Variants in TMEM132D observed in about 807,000 individuals in gnomAD.
The protein encoded by TMEM132D is mature OL transmembrane protein.
In TMEM132D, 21 loss-of-function variants were observed where a neutral mutation model predicts 62.3. That is an observed-to-expected ratio of 0.34 (90% confidence interval 0.24 to 0.49). The LOEUF is 0.49. TMEM132D is among the 20% of genes least tolerant of loss of function. The probability of loss-of-function intolerance (pLI) is 0.99; values close to 1 mark genes in which losing one functional copy is unlikely to be tolerated. For synonymous variants in TMEM132D, 621 were observed against 575.6 expected (o/e 1.08, Z -1.13); for missense variants, 1,346 against 1,402.8 (o/e 0.96, Z 0.65).
chr12:129,096,789 C>G (rs1875130188), intron 5 of TMEM132D, among the ~76,000 whole-genome samples: 2 of 152,134 alleles, frequency 1.3e-5, no homozygotes, highest in African/African-American at 4.8e-5. Context: ...TATTCTATAG[C>G]CTATTTTCTT....
intron 5 of TMEM132D, among the ~76,000 whole-genome samples, chr12:129,202,902 A>G (rs1878746371): frequency 6.6e-6 from 1 of 152,232 alleles, no homozygotes; most frequent in South Asian, 2.1e-4. Context: ...CACTAGGCAC[A>G]TAGTAGTTGC....
intron 5 of TMEM132D, among the ~76,000 whole-genome samples, chr12:129,088,991 G>GTGTCCTCTATGACCGGGA (rs1874791367): frequency 2.4e-5 from 1 of 41,940 alleles, no homozygotes; most frequent in African/African-American, 1.9e-4. Context: ...CATGACCGGG[G>GTGTCCTCTATGACCGGGA]TGTCCTCTAT....
Position 129,867,124 on chromosome 12 carries a change from G to A in TMEM132D, c.79+36137C>T, listed in dbSNP as rs1273057350. 1.3e-5 allele frequency among the ~76,000 whole-genome samples: 2 copies of A among 152,180 alleles called. No individual in the cohort carries two copies. The highest frequency in any genetic ancestry group is 4.2e-4 in the South Asian group (2 of 4,816). On this transcript the variant is annotated intron_variant, in intron 1 of 8. Transcript: ENST00000422113. This position sits in a 1 kb window ranked among gnomAD's most constrained non-coding sequence, Gnocchi z 4.5. ...AAAATACAGAAATTAGCTGGGCACGGTGGTATGTGCCTGTAGTCCTAGCTA... is the reference window on the plus strand; with the variant it reads ...AAAATACAGAAATTAGCTGGGCACGATGGTATGTGCCTGTAGTCCTAGCTA...
In TMEM132D at chr12:129,527,872, A is replaced by C. The variant is rs535520305; in HGVS notation, c.1115+3187T>G. On this transcript the variant is annotated intron_variant, in intron 3 of 8. Coordinates refer to ENST00000422113, the MANE Select transcript of TMEM132D (RefSeq NM_133448.3). ...AGATTCTCAGCAACCTAACTTCTTC[A>C]AACAGGGAAGGATGCAGTTAAACTT... 2.0e-4 allele frequency among the ~76,000 whole-genome samples: 30 copies of C among 152,322 alleles called. No individual in the cohort carries two copies. The South Asian group carries it at 6.0e-3, about 31-fold the overall frequency.
At chr12:129,344,158 C>T (rs979930125) in intron 3 of TMEM132D, among the ~76,000 whole-genome samples, 1 of 152,130 alleles carries the variant, frequency 6.6e-6, no homozygotes, top group African/African-American at 2.4e-5. Context: ...CTTGCTTTTG[C>T]TTTGCACTGT....
intron 5 of TMEM132D, among the ~76,000 whole-genome samples, chr12:129,146,449 C>G (rs1316144419): frequency 6.6e-6 from 1 of 152,156 alleles, no homozygotes; most frequent in Non-Finnish European, 1.5e-5. Context: ...TCTACCATGG[C>G]CACCAAAGTA....
intron 1 of TMEM132D, among the ~76,000 whole-genome samples, chr12:129,777,326 T>TCTATTCTAG (rs1870971009): frequency 6.6e-6 from 1 of 152,206 alleles, no homozygotes; most frequent in African/African-American, 2.4e-5. Flanking sequence ...TTTTTTTCTA[T>TCTATTCTAG]GTGATATCAC....
chr12:129,369,931 G>A (rs528979785), intron 3 of TMEM132D, among the ~76,000 whole-genome samples: 111 of 152,148 alleles, frequency 7.3e-4, no homozygotes, highest in Non-Finnish European at 1.0e-3. Context: ...CAAATGCTGC[G>A]GAAGCCAGGT....
chr12:129,246,612 C>T (rs1214176044), intron 4 of TMEM132D, among the ~76,000 whole-genome samples: 2 of 151,954 alleles, frequency 1.3e-5, no homozygotes, highest in Non-Finnish European at 2.9e-5. Flanking sequence ...AAAAATGAGC[C>T]GGATGTGGTG....
intron 3 of TMEM132D, among the ~76,000 whole-genome samples, chr12:129,499,355 G>T (rs541501077): frequency 1.3e-5 from 2 of 152,120 alleles, no homozygotes; most frequent in African/African-American, 4.8e-5. Context: ...TTGAACCAGG[G>T]GAATGAACAT....
intron 4 of TMEM132D, among the ~76,000 whole-genome samples, chr12:129,332,619 G>A (rs1869145560): frequency 6.6e-6 from 1 of 152,158 alleles, no homozygotes; most frequent in Non-Finnish European, 1.5e-5. Context: ...TAATATTTGA[G>A]ATTTTATGCC....
rs377103313 is a variant in TMEM132D, at chr12:129,209,419, ACCCAGAGGT to A, written c.1443+92_1443+100del. 1,244 of 1,445,940 alleles carry A rather than the reference ACCCAGAGGT, an allele frequency of 8.6e-4. 3 individuals carry two copies. The highest frequency in any genetic ancestry group is 1.7e-3 in the Admixed American group (85 of 50,082). The allele number at this position is 1,445,940 out of a possible 1,614,324, so 89.6% of individuals were successfully genotyped here. A position where few individuals can be genotyped will look rare whatever the true frequency, so the allele number is the denominator to read the frequency against. On this transcript the variant is annotated intron_variant, in intron 5 of 8. Transcript: ENST00000422113. ...AATGGGATGGGAGGGATCCTGTGGG[ACCCAGAGGT>A]CCCAGAGGTCCCAGAGGTCCCAAGC...
In TMEM132D at chr12:129,205,606, T is replaced by C. The variant is rs533192015; in HGVS notation, c.1443+3914A>G. ...CCCATTGACAGTATTAGACAAATCA[T>C]TGAAGCAGAAAATTAACACAGATAT... is the stretch of plus-strand genomic sequence containing the variant. On this transcript the variant is annotated intron_variant, in intron 5 of 8. Transcript: ENST00000422113. Among the ~76,000 whole-genome samples, 39 of 152,216 alleles carry C rather than the reference T, an allele frequency of 2.6e-4. 1 individual carries two copies. In the South Asian group the frequency reaches 5.6e-3, roughly 22 times the overall value.
At chr12:129,094,556 A>G (rs1175938909) in intron 5 of TMEM132D, among the ~76,000 whole-genome samples, 6 of 152,186 alleles carry the variant, frequency 3.9e-5, no homozygotes, top group African/African-American at 1.4e-4. Context: ...GGATGTGGAG[A>G]AATAGGAACA....
chr12:129,517,832 T>C (rs12303267), intron 3 of TMEM132D, among the ~76,000 whole-genome samples: 10,229 of 152,260 alleles, frequency 0.067, 595 homozygotes, highest in East Asian at 0.22. Flanking sequence ...GGAGAAATTA[T>C]GCTTGGCTTC....
chr12:129,757,034 T>C (rs1870189462), intron 1 of TMEM132D, among the ~76,000 whole-genome samples: 1 of 152,150 alleles, frequency 6.6e-6, no homozygotes, highest in African/African-American at 2.4e-5. Flanking sequence ...TCATGGCAGA[T>C]ACTTGGGGGT....
intron 2 of TMEM132D, 123 bp from the exon 3 acceptor site, chr12:129,531,328 T>G: frequency 8.3e-7 from 1 of 1,202,944 alleles, no homozygotes; most frequent in Non-Finnish European, 1.1e-6. Flanking sequence ...TCATGTATAC[T>G]AGGATTTAAA....
chr12:129,517,606 T>C (rs1332111932), intron 3 of TMEM132D, among the ~76,000 whole-genome samples: 1 of 152,118 alleles, frequency 6.6e-6, no homozygotes, highest in Non-Finnish European at 1.5e-5. Flanking sequence ...TTTAAGGGCG[T>C]CAAGCTGCAT....
At chr12:129,321,708 G>C (rs780721588) in intron 4 of TMEM132D, among the ~76,000 whole-genome samples, 48 of 152,100 alleles carry the variant, frequency 3.2e-4, no homozygotes, top group Non-Finnish European at 6.0e-4. Context: ...ACAGGCGCCC[G>C]CCACCACGCC....
Sources: allele counts gnomAD v4.1 joint callset (sites outside exome capture counted in the v4.1 genomes callset), GRCh38; gene constraint gnomAD v4.1.1; non-coding constraint Gnocchi (gnomAD v3.1); transcripts MANE v1.5; gene names NCBI Gene and HGNC (gene_info 2026-07-23, HGNC 2026-07-21).